KCNIP4: variants seen among roughly 807,000 people sequenced by gnomAD.
KCNIP4 encodes Kv channel-interacting protein 4.
A neutral mutation model predicts 34.0 loss-of-function variants in KCNIP4; 12 were observed. The ratio of observed to expected loss-of-function variants is 0.35; its 90% CI spans 0.23 to 0.57. The LOEUF (loss-of-function observed/expected upper bound fraction) is 0.57. Ranked by LOEUF, KCNIP4 falls within the 20% of genes least tolerant of loss-of-function variation. The pLI is 0.83. For synonymous variants in KCNIP4, 124 were observed against 102.2 expected (o/e 1.21, Z -1.29); for missense variants, 238 against 311.7 (o/e 0.76, Z 1.78).
At chr4:21,517,592 T>C (rs1339102689) in intron 1 of KCNIP4, among the ~76,000 whole-genome samples, 1 of 152,178 alleles carries the variant, frequency 6.6e-6, no homozygotes, top group Non-Finnish European at 1.5e-5. Context: ...TTTCTGTTAA[T>C]CATTGATTTT....
chr4:21,906,076 T>G (rs1000823058), intron 1 of KCNIP4, among the ~76,000 whole-genome samples: 7 of 152,212 alleles, frequency 4.6e-5, no homozygotes, highest in South Asian at 2.1e-4. Flanking sequence ...ATTTGTTTCA[T>G]TCATCTATGA....
At chr4:21,259,601 A>C (rs1761316275) in intron 1 of KCNIP4, among the ~76,000 whole-genome samples, 1 of 152,158 alleles carries the variant, frequency 6.6e-6, no homozygotes, top group Admixed American at 6.5e-5. Flanking sequence ...ACACATTTTC[A>C]GCTTCTATTG....
intron 1 of KCNIP4, among the ~76,000 whole-genome samples, chr4:21,537,747 C>T (rs1425041256): frequency 6.6e-6 from 1 of 152,064 alleles, no homozygotes; most frequent in Admixed American, 6.5e-5. Flanking sequence ...GGCGCAGTAG[C>T]TCACGCCTGT....
intron 1 of KCNIP4, among the ~76,000 whole-genome samples, chr4:21,340,579 C>T (rs951530742): frequency 6.6e-6 from 1 of 152,020 alleles, no homozygotes; most frequent in African/African-American, 2.4e-5. Flanking sequence ...TTATCACACA[C>T]ATCTTCTAAG....
At chr4:20,809,741 T>C (rs1336495245) in intron 3 of KCNIP4, among the ~76,000 whole-genome samples, 1 of 152,238 alleles carries the variant, frequency 6.6e-6, no homozygotes, top group Non-Finnish European at 1.5e-5. Flanking sequence ...TAAAATTTTA[T>C]TTTAACTGAC....
At chr4:20,842,558 C>T (rs1578752109) in intron 3 of KCNIP4, among the ~76,000 whole-genome samples, 1 of 106,518 alleles carries the variant, frequency 9.4e-6, no homozygotes, top group Non-Finnish European at 1.7e-5. Flanking sequence ...GCATGTAAGG[C>T]AATTGAGTCT....
chr4:21,276,721 C>G (rs1043304210), intron 1 of KCNIP4, among the ~76,000 whole-genome samples: 1 of 151,934 alleles, frequency 6.6e-6, no homozygotes, highest in African/African-American at 2.4e-5. Context: ...TGACAGTGGC[C>G]CATCTATAAA....
chr4:21,689,800 T>C (rs906268060), intron 1 of KCNIP4, among the ~76,000 whole-genome samples: 2 of 152,082 alleles, frequency 1.3e-5, no homozygotes, highest in Non-Finnish European at 2.9e-5. Flanking sequence ...CCCTGGCCAC[T>C]GATTCAGTCC....
chr4:21,298,412 C>T lies in KCNIP4; in HGVS notation c.62-415703G>A, dbSNP rs182911586. Among the ~76,000 whole-genome samples the T allele has an allele frequency of 5.3e-3, 805 of 152,228 alleles. 8 individuals are homozygous for T. The highest frequency in any genetic ancestry group is 0.019 in the African/African-American group (784 of 41,540). ...GATCATCTTACTGCCTTCATCCATG[C>T]TTCAGTCAACCCAATCCATACATCT... On this transcript the variant is annotated intron_variant, in intron 1 of 8. Coordinates refer to ENST00000382152, the MANE Select transcript of KCNIP4 (RefSeq NM_025221.6).
chr4:21,208,913 T>C (rs908626316), intron 1 of KCNIP4, among the ~76,000 whole-genome samples: 79 of 152,134 alleles, frequency 5.2e-4, no homozygotes, highest in African/African-American at 1.9e-3. Context: ...GCAGGGGAAA[T>C]GCCAGACACT....
intron 1 of KCNIP4, among the ~76,000 whole-genome samples, chr4:21,217,393 T>C (rs928234109): frequency 2.6e-5 from 4 of 152,104 alleles, no homozygotes; most frequent in African/African-American, 9.7e-5. Context: ...AGGAGACATG[T>C]GGGCAAAGGC....
chr4:21,589,198 A>AAG lies in KCNIP4; in HGVS notation c.61+359372_61+359373insCT, dbSNP rs1741935393. ...TATATATATATATATATATATATATATATGTGTACATATATAAGTACACAT... is the reference window on the plus strand; with the variant it reads ...TATATATATATATATATATATATATAAGTATGTGTACATATATAAGTACACAT... On this transcript the variant is annotated intron_variant, in intron 1 of 8. Transcript: ENST00000382152. Among the ~76,000 whole-genome samples the AAG allele has an allele frequency of 1.8e-4, 5 of 27,958 alleles. No individual in the cohort carries two copies. In the East Asian group the frequency reaches 0.014, roughly 76 times the overall value. The allele number at this position is 27,958 out of a possible 152,430, so 18.3% of individuals were successfully genotyped here.
At chr4:21,846,830 T>C (rs1301460276) in intron 1 of KCNIP4, 2 of 152,138 alleles carry the variant, frequency 1.3e-5, no homozygotes, top group Admixed American at 6.6e-5. Flanking sequence ...CAGATCCCTA[T>C]ACAACTGAGC....
chr4:21,484,236 G>C (rs1207432823), intron 1 of KCNIP4, among the ~76,000 whole-genome samples: 2 of 152,002 alleles, frequency 1.3e-5, no homozygotes, highest in Admixed American at 1.3e-4. Flanking sequence ...AGACCAGCTT[G>C]ACTAACATGG....
rs537284062 is a variant in KCNIP4, at chr4:21,339,606, G to A, written c.62-456897C>T. On this transcript the variant is annotated intron_variant, in intron 1 of 8. Coordinates refer to ENST00000382152, the MANE Select transcript of KCNIP4 (RefSeq NM_025221.6). Reference sequence around the variant, plus strand: ...GGATAAATAGAAAGGGAATAGGTGGGAAAATTAGGAAGACATAGTGGGGAA... The same window carrying A: ...GGATAAATAGAAAGGGAATAGGTGGAAAAATTAGGAAGACATAGTGGGGAA... Among the ~76,000 whole-genome samples, 12 of 152,240 alleles carry A rather than the reference G, an allele frequency of 7.9e-5. No homozygotes were observed. In the Middle Eastern group the frequency reaches 0.01, roughly 129 times the overall value.
intron 1 of KCNIP4, among the ~76,000 whole-genome samples, chr4:21,666,062 T>C (rs1262634440): frequency 6.6e-6 from 1 of 152,246 alleles, no homozygotes; most frequent in Non-Finnish European, 1.5e-5. Context: ...CAAGGATTTC[T>C]CTGTTGCTCC....
intron 1 of KCNIP4, among the ~76,000 whole-genome samples, chr4:21,039,355 G>A (rs1741746783): frequency 2.0e-5 from 3 of 147,166 alleles, no homozygotes; most frequent in Admixed American, 6.8e-5. Context: ...GGGCGATGGA[G>A]CAAGACTCCG....
intron 1 of KCNIP4, among the ~76,000 whole-genome samples, chr4:21,660,681 T>C (rs1488765449): frequency 1.3e-5 from 2 of 152,142 alleles, no homozygotes; most frequent in African/African-American, 2.4e-5. Flanking sequence ...GCTCATGAGA[T>C]GTGGGGTTCT....
intron 1 of KCNIP4, among the ~76,000 whole-genome samples, chr4:21,924,437 G>A (rs1158934082): frequency 6.6e-6 from 1 of 151,568 alleles, no homozygotes; most frequent in Non-Finnish European, 1.5e-5. Flanking sequence ...GTAGAGACAG[G>A]GTTTCACTGT....
Sources: allele counts gnomAD v4.1 joint callset (sites outside exome capture counted in the v4.1 genomes callset), GRCh38; gene constraint gnomAD v4.1.1; transcripts MANE v1.5; gene names NCBI Gene and HGNC (gene_info 2026-07-23, HGNC 2026-07-21).